Variants in TMPRSS5 observed in about 807,000 individuals in gnomAD.
The protein encoded by TMPRSS5 is transmembrane protease serine 5.
In TMPRSS5, 45 loss-of-function variants were observed where a neutral mutation model predicts 59.7. The ratio of observed to expected loss-of-function variants is 0.75; its 90% CI spans 0.59 to 0.97. The LOEUF (loss-of-function observed/expected upper bound fraction) is 0.97. Ranked by LOEUF, TMPRSS5 falls within the 50% of genes least tolerant of loss-of-function variation. The probability of loss-of-function intolerance (pLI) is 0.00; values close to 1 mark genes in which losing one functional copy is unlikely to be tolerated. For missense variants in TMPRSS5, 585 were observed against 596.7 expected (o/e 0.98, Z 0.20); for synonymous variants, 225 against 232.0 (o/e 0.97, Z 0.27).
chr11:113,702,459 G>A (rs536445933), intron 1 of TMPRSS5, among the ~76,000 whole-genome samples: 12 of 152,292 alleles, frequency 7.9e-5, no homozygotes, highest in African/African-American at 2.6e-4. Context: ...AGCATAAAAG[G>A]TTGGAAAATT....
At chr11:113,688,849 C>A (rs889840328) in intron 12 of TMPRSS5, among the ~76,000 whole-genome samples, 2 of 152,144 alleles carry the variant, frequency 1.3e-5, no homozygotes, top group African/African-American at 2.4e-5. Flanking sequence ...GCGTGAGCCA[C>A]CCCACCCGAC....
Position 113,688,082 on chromosome 11 carries a change from A to C in TMPRSS5, c.*178T>G. On this transcript the variant is annotated 3_prime_UTR_variant, in exon 13 of 13. Coordinates refer to ENST00000299882, the MANE Select transcript of TMPRSS5 (RefSeq NM_030770.4). ...GACTCTGAAATCAGGGCCCAAGAGGAGAGACCTGTTGGCTGGGTGGCTGGC... is the reference window on the plus strand; with the variant it reads ...GACTCTGAAATCAGGGCCCAAGAGGCGAGACCTGTTGGCTGGGTGGCTGGC... The C allele has an allele frequency of 5.1e-6, 5 of 972,692 alleles. No individual in the cohort carries two copies. Among genetic ancestry groups the C allele is most frequent in the Non-Finnish European group, 7.0e-6 (5 of 719,000 alleles). 60.3% of individuals were successfully genotyped at this position (972,692 alleles called of 1,614,324 possible). A position where few individuals can be genotyped will look rare whatever the true frequency, so the allele number is the denominator to read the frequency against.
At position 113,689,920 on chromosome 11, in the gene TMPRSS5, A is replaced by C; in HGVS notation, c.1207-3T>G. The C allele has an allele frequency of 6.5e-7, 1 of 1,548,246 alleles. No homozygotes were observed. The highest frequency in any genetic ancestry group is 1.4e-5 in the African/African-American group (1 of 73,192). ...ACTAGGGGGCCCCCGCTATCTCCCT[A>C]AGGGATCCAGGCATGGAGACACAGA... On this transcript the variant is annotated splice_polypyrimidine_tract_variant and splice_region_variant and intron_variant, in intron 11 of 12. Transcript: ENST00000299882.
Position 113,699,631 on chromosome 11 carries a change from G to A in TMPRSS5, c.169C>T (p.Leu57=), listed in dbSNP as rs374447014. 6.5e-5 allele frequency: 103 copies of A among 1,585,120 alleles called. No individual in the cohort carries two copies. Among genetic ancestry groups the A allele is most frequent in the Admixed American group, 9.0e-5 (5 of 55,358 alleles). ...RGCAVLGALG[L]LAGAGVGSWL... is the part of the protein sequence containing the mutation. ...GAGCCAACACCTGCACCGGCCAGCA[G>A]CCCCAGGGCTCCCAGCACTGCACAG... Residue 57 remains leucine (L), a synonymous_variant, in exon 3 of 13, where the codon CTG becomes TTG. Coordinates refer to ENST00000299882, the MANE Select transcript of TMPRSS5 (RefSeq NM_030770.4).
chr11:113,699,260 T>TCTCTCC (rs1565263676), intron 3 of TMPRSS5, among the ~76,000 whole-genome samples: 26 of 35,948 alleles, frequency 7.2e-4, no homozygotes, highest in African/African-American at 9.1e-4. Context: ...TCTCTCTCTC[T>TCTCTCC]CTCTCTCTCT....
intron 9 of TMPRSS5, among the ~76,000 whole-genome samples, chr11:113,691,942 C>T (rs1952795314): frequency 7.7e-6 from 1 of 129,594 alleles, no homozygotes. Flanking sequence ...GGCTGGAGTG[C>T]AGTGGCATGA....
chr11:113,697,240 C>A, intron 5 of TMPRSS5, 43 bp downstream of exon 5: 1 of 1,583,520 alleles, frequency 6.3e-7, no homozygotes, highest in Admixed American at 1.7e-5. Flanking sequence ...CCCACACCAG[C>A]CAGGCCTCCC....
intron 3 of TMPRSS5, 74 bp downstream of exon 3, chr11:113,699,521 C>A: frequency 1.6e-6 from 2 of 1,282,362 alleles, no homozygotes; most frequent in South Asian, 1.4e-5. Context: ...GTCCCATTTA[C>A]CTTTAACACC....
chr11:113,699,842 G>A (rs1199516119), intron 2 of TMPRSS5, 149 bp from the exon 3 acceptor site: 3 of 1,391,130 alleles, frequency 2.2e-6, no homozygotes, highest in East Asian at 5.0e-5. Flanking sequence ...GGGAGGGAGT[G>A]GGGGCAGGGG....
At chr11:113,700,315 A>C in intron 1 of TMPRSS5, 147 bp from the exon 2 acceptor site, 1 of 809,502 alleles carries the variant, frequency 1.2e-6, no homozygotes, top group Non-Finnish European at 1.9e-6. Context: ...GACTCCCTGT[A>C]TATTCCCACA....
At position 113,690,855 on chromosome 11, in the gene TMPRSS5, G is replaced by A; in HGVS notation, c.1049C>T (p.Thr350Ile). 1 of 1,589,672 alleles carries A rather than the reference G, an allele frequency of 6.3e-7. No individual in the cohort carries two copies. The highest frequency in any genetic ancestry group is 8.6e-7 in the Non-Finnish European group (1 of 1,169,044). Residue 350 changes from threonine (T) to isoleucine (I), a missense_variant, in exon 10 of 13, where the codon ACC becomes ATC. Coordinates refer to ENST00000299882, the MANE Select transcript of TMPRSS5 (RefSeq NM_030770.4). ...SRCWVSGWGH[T>I]HPSHTYSSDM... is the part of the protein sequence containing the mutation. ...AGCTGACTCACTATGGCTAGGGTGGGTGTGGCCCCAGCCAGACACCCAGCA... is the reference window on the plus strand; with the variant it reads ...AGCTGACTCACTATGGCTAGGGTGGATGTGGCCCCAGCCAGACACCCAGCA...
Position 113,697,024 on chromosome 11 carries a change from GA to G in TMPRSS5, c.465-54del. On this transcript the variant is annotated intron_variant, in intron 5 of 12. Coordinates refer to ENST00000299882, the MANE Select transcript of TMPRSS5 (RefSeq NM_030770.4). ...AGGAAATCATAACTGGAATATGTAC[GA>G]GATATAATACTAGTATAGTGACCGC... 3 of 1,358,678 alleles carry G rather than the reference GA, an allele frequency of 2.2e-6. 1 individual carries two copies. Among genetic ancestry groups the G allele is most frequent in the South Asian group, 2.5e-5 (2 of 80,348 alleles). 84.2% of individuals were successfully genotyped at this position (1,358,678 alleles called of 1,614,324 possible). A position where few individuals can be genotyped will look rare whatever the true frequency, so the allele number is the denominator to read the frequency against.
chr11:113,699,423 GTTC>G (rs1247016830), intron 3 of TMPRSS5, among the ~76,000 whole-genome samples, 169 bp downstream of exon 3: 3 of 152,088 alleles, frequency 2.0e-5, no homozygotes, highest in African/African-American at 4.8e-5. Flanking sequence ...CATACACTTT[GTTC>G]TTCTTTATGT....
intron 3 of TMPRSS5, among the ~76,000 whole-genome samples, chr11:113,699,384 G>C (rs1392297746): frequency 2.0e-5 from 3 of 151,784 alleles, no homozygotes; most frequent in Non-Finnish European, 4.4e-5. Flanking sequence ...AAGATTTCCA[G>C]AAAAAGTCTG....
intron 8 of TMPRSS5, chr11:113,694,255 A>AAC: frequency 2.4e-5 from 10 of 409,132 alleles, no homozygotes; most frequent in East Asian, 2.3e-4. Context: ...AAAAAAAAAA[A>AAC]AAAAAAACTG....
In TMPRSS5 at chr11:113,696,902, G is replaced by A. The variant is rs370768043; in HGVS notation, c.534C>T (p.Leu178=). Residue 178 remains leucine (L), a synonymous_variant, in exon 6 of 13, where the codon CTC becomes CTT. Coordinates refer to ENST00000299882, the MANE Select transcript of TMPRSS5 (RefSeq NM_030770.4). The part of the protein sequence containing the change: ...KLNSSQEFAQ[L]SPRLGGFLEE... ...CCAGGAAGCCTCCCAGTCTAGGAGA[G>A]AGCTGAGCAAACTCCTGGGAACTGT... The A allele has an allele frequency of 6.3e-7, 1 of 1,577,894 alleles. No homozygotes were observed.
At chr11:113,689,279 C>G (rs781415313) in intron 12 of TMPRSS5, among the ~76,000 whole-genome samples, 1 of 152,040 alleles carries the variant, frequency 6.6e-6, no homozygotes, top group Admixed American at 6.5e-5. Flanking sequence ...TCGCTTGAAC[C>G]CGGGAGATAG....
intron 12 of TMPRSS5, 81 bp from the exon 13 acceptor site, chr11:113,688,355 C>T: frequency 1.1e-6 from 1 of 922,994 alleles, no homozygotes; most frequent in Non-Finnish European, 1.7e-6. Flanking sequence ...AATCACTTAA[C>T]CATGCAGGGC....
chr11:113,697,625 T>A (rs1026819370), intron 4 of TMPRSS5, among the ~76,000 whole-genome samples: 1 of 152,176 alleles, frequency 6.6e-6, no homozygotes, highest in African/African-American at 2.4e-5. Flanking sequence ...AGTTTTCTAT[T>A]TTAACCATGT....
Sources: allele counts gnomAD v4.1 joint callset (sites outside exome capture counted in the v4.1 genomes callset), GRCh38; gene constraint gnomAD v4.1.1; transcripts MANE v1.5; gene names NCBI Gene and HGNC (gene_info 2026-07-23, HGNC 2026-07-21).